The following BCL2L13 variants were observed in gnomAD, a reference collection of about 807,000 sequenced individuals.
The protein encoded by BCL2L13 is bcl-2-like protein 13.
BCL2L13 carries 13 observed loss-of-function variants against 25.8 expected under a neutral mutation model. The observed-to-expected ratio is 0.50, with a 90% CI of 0.33 to 0.80. The LOEUF (loss-of-function observed/expected upper bound fraction) is 0.80, where lower values mean the gene tolerates loss of function less well. BCL2L13 is among the 30% of genes least tolerant of loss of function. The pLI is 0.02. For synonymous variants in BCL2L13, 244 were observed against 230.3 expected (o/e 1.06, Z -0.54); for missense variants, 504 against 574.9 (o/e 0.88, Z 1.26).
upstream of BCL2L13, among the ~76,000 whole-genome samples, chr22:17,637,173 A>G (rs147313871): frequency 0.057 from 8,716 of 151,994 alleles, 446 homozygotes; most frequent in African/African-American, 0.14. Context: ...TTGGGAGGCC[A>G]AGGCGAGTGG....
At chr22:17,718,947 T>C (rs5747337) in intron 6 of BCL2L13, among the ~76,000 whole-genome samples, 69,890 of 151,494 alleles carry the variant, frequency 0.46, 17,007 homozygotes, top group East Asian at 0.81. Flanking sequence ...TTACTTGAGA[T>C]CAGGAGTTCA....
chr22:17,694,449 G>A (rs1351104017), intron 4 of BCL2L13, among the ~76,000 whole-genome samples: 1 of 152,030 alleles, frequency 6.6e-6, no homozygotes, highest in East Asian at 1.9e-4. Flanking sequence ...GAGGTAGGAG[G>A]CATCAGTTGG....
intron 4 of BCL2L13, among the ~76,000 whole-genome samples, chr22:17,689,593 C>G (rs1181478975): frequency 1.3e-5 from 2 of 152,004 alleles, no homozygotes; most frequent in Non-Finnish European, 2.9e-5. Flanking sequence ...GCCTGTAATC[C>G]CAGCACTTTG....
At chr22:17,706,328 T>C (rs1241982791) in intron 6 of BCL2L13, among the ~76,000 whole-genome samples, 1 of 150,786 alleles carries the variant, frequency 6.6e-6, no homozygotes, top group Non-Finnish European at 1.5e-5. Flanking sequence ...CTTTCTACCT[T>C]GTTTTTTTTT....
intron 2 of BCL2L13, among the ~76,000 whole-genome samples, chr22:17,657,555 C>T (rs914864163): frequency 4.6e-5 from 7 of 151,820 alleles, no homozygotes; most frequent in Non-Finnish European, 1.0e-4. Flanking sequence ...TCGCTCTGTC[C>T]AGGCTAGAGT....
At chr22:17,689,663 T>C (rs2060045752) in intron 4 of BCL2L13, among the ~76,000 whole-genome samples, 1 of 151,598 alleles carries the variant, frequency 6.6e-6, no homozygotes, top group African/African-American at 2.4e-5. Context: ...GCCAATATGG[T>C]GAAACCTCGT....
Position 17,689,133 on chromosome 22 carries a change from T to G in BCL2L13, c.377T>G (p.Leu126Arg). 6.2e-7 allele frequency: 1 copy of G among 1,613,910 alleles called. No homozygotes were observed. The highest frequency in any genetic ancestry group is 8.5e-7 in the Non-Finnish European group (1 of 1,179,922). The change falls in exon 4 of 7, where the codon CTC becomes CGC. Residue 126 changes from leucine (L) to arginine (R), a missense_variant. Leu to Arg is a moderately radical substitution (Grantham distance 102, BLOSUM62 -2). Coordinates refer to ENST00000317582, the MANE Select transcript of BCL2L13 (RefSeq NM_015367.4). ...KEPLHKALQMLLSQPVTYQAF... is the reference protein window; with the variant it reads ...KEPLHKALQMRLSQPVTYQAF... Reference sequence around the variant, plus strand: ...CCTCTCCATAAAGCATTGCAAATGCTCCTGAGCCAGTGAGTTACACTGCTG... The same window carrying G: ...CCTCTCCATAAAGCATTGCAAATGCGCCTGAGCCAGTGAGTTACACTGCTG...
At chr22:17,696,267 T>G (rs2060262056) in intron 5 of BCL2L13, 57 bp downstream of exon 5, 5 of 1,352,876 alleles carry the variant, frequency 3.7e-6, no homozygotes, top group Non-Finnish European at 4.2e-6. Context: ...TGATAAGACG[T>G]AGGAGGAATT....
intron 2 of BCL2L13, among the ~76,000 whole-genome samples, chr22:17,666,550 C>G (rs2059240127): frequency 6.6e-6 from 1 of 151,970 alleles, no homozygotes; most frequent in Non-Finnish European, 1.5e-5. Context: ...TCCATGAGTT[C>G]AGTTGTTTCT....
intron 2 of BCL2L13, among the ~76,000 whole-genome samples, chr22:17,667,645 A>C (rs1366398132): frequency 6.6e-6 from 1 of 151,922 alleles, no homozygotes; most frequent in Non-Finnish European, 1.5e-5. Flanking sequence ...AGTAGCCGGG[A>C]TTATGGGTGT....
rs748233453 is a variant in BCL2L13 at position 17,638,800 on chromosome 22, G to A, written c.-137G>A. The A allele has an allele frequency of 2.8e-4, 348 of 1,231,840 alleles. No individual in the cohort carries two copies. Among genetic ancestry groups the A allele is most frequent in the Non-Finnish European group, 3.3e-4 (330 of 988,164 alleles). 76.3% of individuals were successfully genotyped at this position (1,231,840 alleles called of 1,614,324 possible). On this transcript the variant is annotated 5_prime_UTR_variant, in exon 1 of 7. Transcript: ENST00000317582. The stretch of plus-strand genomic sequence containing the variant: ...GGCGGTAGATTAGGGCCGCGGGTCG[G>A]AGCACTCACCGCCGCTGGGGGACCC...
intron 3 of BCL2L13, 28 bp downstream of exon 3, chr22:17,683,349 A>C: frequency 7.7e-7 from 1 of 1,303,932 alleles, no homozygotes. Flanking sequence ...TTTCTAGTTA[A>C]TAAGCAGATT....
chr22:17,630,157 C>T (rs941017198), intron 1 of BCL2L13, among the ~76,000 whole-genome samples: 1 of 141,888 alleles, frequency 7.0e-6, no homozygotes, highest in Admixed American at 7.2e-5. Flanking sequence ...GCAGAGGTTG[C>T]GGTGAGCCAA....
chr22:17,724,545 T>G (rs2061242203), intron 6 of BCL2L13, among the ~76,000 whole-genome samples: 1 of 152,228 alleles, frequency 6.6e-6, no homozygotes, highest in Non-Finnish European at 1.5e-5. Context: ...AGTGGTGCAG[T>G]ATGATGCCGA....
intron 2 of BCL2L13, among the ~76,000 whole-genome samples, chr22:17,665,483 G>C (rs892318538): frequency 1.3e-5 from 2 of 152,054 alleles, no homozygotes; most frequent in African/African-American, 4.8e-5. Context: ...ACATTTTCGG[G>C]TATGTTTAAG....
chr22:17,655,480 A>G (rs62240473), intron 1 of BCL2L13, among the ~76,000 whole-genome samples, 182 bp from the exon 2 acceptor site: 6,789 of 144,500 alleles, frequency 0.047, 205 homozygotes, highest in African/African-American at 0.075. Context: ...GCTGGAGTGC[A>G]GTGGCTTGAA....
intron 6 of BCL2L13, among the ~76,000 whole-genome samples, chr22:17,711,050 TTAAAAA>T (rs1378166525): frequency 6.6e-6 from 1 of 151,324 alleles, no homozygotes; most frequent in Non-Finnish European, 1.5e-5. Context: ...CTTTGAGCTG[TTAAAAA>T]TAAGGGGAAA....
chr22:17,683,844 CATTATTATTATTATTATTATT>C (rs57407987), intron 3 of BCL2L13, among the ~76,000 whole-genome samples: 25 of 144,434 alleles, frequency 1.7e-4, no homozygotes, highest in African/African-American at 5.8e-4. Context: ...TCAGTCATTC[CATTATTATTATTATTATTATT>C]ATTATTATTA....
In BCL2L13 at chr22:17,683,125, T is replaced by G. The variant is rs2145575438; in HGVS notation, c.122-89T>G. 7.1e-6 allele frequency: 5 copies of G among 703,440 alleles called. No homozygotes were observed. In the East Asian group the frequency reaches 1.5e-4, roughly 21 times the overall value. 43.6% of individuals were successfully genotyped at this position (703,440 alleles called of 1,614,324 possible). A position where few individuals can be genotyped will look rare whatever the true frequency, so the allele number is the denominator to read the frequency against. On this transcript the variant is annotated intron_variant, in intron 2 of 6. Coordinates refer to ENST00000317582, the MANE Select transcript of BCL2L13 (RefSeq NM_015367.4). ...TCCAGCCCCAGTGACAGTGCGAGAC[T>G]CCGTCTCAAAAAAAAAAAAAAAAGT...
Sources: allele counts gnomAD v4.1 joint callset (sites outside exome capture counted in the v4.1 genomes callset), GRCh38; gene constraint gnomAD v4.1.1; transcripts MANE v1.5; gene names NCBI Gene and HGNC (gene_info 2026-07-23, HGNC 2026-07-21).